ZMYM2: variants seen among roughly 807,000 people sequenced by gnomAD.
The protein encoded by ZMYM2 is zinc finger MYM-type protein 2.
Under a neutral mutation model 162.8 loss-of-function variants are expected in ZMYM2, and 56 were observed. The observed-to-expected ratio is 0.34, with a 90% CI of 0.28 to 0.43. The LOEUF (loss-of-function observed/expected upper bound fraction) is 0.43, where lower values mean the gene tolerates loss of function less well. Among genes scored for constraint, ZMYM2 ranks in the 20% least tolerant of loss-of-function variants. The pLI, the probability that ZMYM2 is intolerant of heterozygous loss-of-function variation, is 1.00. For synonymous variants in ZMYM2, 510 were observed against 541.6 expected (o/e 0.94, Z 0.81); for missense variants, 1,275 against 1,621.8 (o/e 0.79, Z 3.67).
chr13:19,925,643 C>T, the ZMYM2 span, among the ~76,000 whole-genome samples: 1 of 151,848 alleles, frequency 6.6e-6, no homozygotes, highest in Admixed American at 6.6e-5. Flanking sequence ...GAGGATGAGG[C>T]GGGTGGATCA....
At chr13:20,065,167 G>C (rs1363050722) in intron 19 of ZMYM2, among the ~76,000 whole-genome samples, 3 of 151,914 alleles carry the variant, frequency 2.0e-5, no homozygotes, top group African/African-American at 7.3e-5. Flanking sequence ...ACATAAAGCA[G>C]GTTTTAAAAA....
At chr13:20,083,068 T>A (rs1958011627) in intron 23 of ZMYM2, 36 bp downstream of exon 23, 3 of 1,501,884 alleles carry the variant, frequency 2.0e-6, no homozygotes, top group African/African-American at 1.4e-5. Flanking sequence ...TTTTTATTTT[T>A]AAATTTTTTT....
chr13:20,059,675 T>C (rs1956084744), intron 16 of ZMYM2, 113 bp downstream of exon 16: 1 of 619,274 alleles, frequency 1.6e-6, no homozygotes, highest in Non-Finnish European at 2.8e-6. Flanking sequence ...CATCCACATA[T>C]GTGGATGATT....
chr13:19,955,138 A>AATTATTATTATT (rs58375933), upstream of ZMYM2, among the ~76,000 whole-genome samples: 126 of 149,710 alleles, frequency 8.4e-4, 1 homozygote, highest in Middle Eastern at 0.014. Flanking sequence ...TAGTTACTGC[A>AATTATTATTATT]ATTATTATTA....
chr13:20,024,036 G>T (rs1357861931), intron 7 of ZMYM2, among the ~76,000 whole-genome samples: 2 of 151,780 alleles, frequency 1.3e-5, no homozygotes, highest in Non-Finnish European at 2.9e-5. Context: ...CCAGGTTCAA[G>T]TGATTCTTGT....
intron 2 of ZMYM2, among the ~76,000 whole-genome samples, chr13:19,982,281 CT>C (rs56165263): frequency 1.2e-3 from 104 of 86,258 alleles, no homozygotes; most frequent in African/African-American, 3.8e-3. Context: ...TATTAGCTGT[CT>C]TTTTTTTTTT....
At chr13:19,864,578 G>T in the ZMYM2 span, 1 of 153,472 alleles carries the variant, frequency 6.5e-6, no homozygotes, top group Non-Finnish European at 1.5e-5. Context: ...TCGCGGGTTG[G>T]AGGGGCTGAG....
intron 21 of ZMYM2, 69 bp downstream of exon 21, chr13:20,067,459 T>C (rs1956767576): frequency 1.4e-6 from 2 of 1,441,900 alleles, no homozygotes; most frequent in Non-Finnish European, 1.9e-6. Context: ...CTTGTTTCTG[T>C]AGCATTATGG....
chr13:19,885,934 CACAT>C, the ZMYM2 span, among the ~76,000 whole-genome samples: 1 of 82,306 alleles, frequency 1.2e-5, no homozygotes, highest in Non-Finnish European at 2.3e-5. Flanking sequence ...TATGTGTATA[CACAT>C]ATATATGTAT....
At chr13:19,919,519 C>T in the ZMYM2 span, among the ~76,000 whole-genome samples, 1 of 151,482 alleles carries the variant, frequency 6.6e-6, no homozygotes, top group Non-Finnish European at 1.5e-5. Context: ...GGTATTTTTA[C>T]CATTTTTTTT....
chr13:20,002,219 TTTA>T (rs1171159637), intron 3 of ZMYM2, among the ~76,000 whole-genome samples: 2 of 152,230 alleles, frequency 1.3e-5, no homozygotes, highest in East Asian at 1.9e-4. Context: ...TAGTTAGGAT[TTTA>T]TTATTATTTA....
At chr13:19,885,847 CAAAAAAAAA>C in the ZMYM2 span, among the ~76,000 whole-genome samples, 2 of 23,140 alleles carry the variant, frequency 8.6e-5, no homozygotes, top group African/African-American at 9.3e-5. Flanking sequence ...AACTCTGTCT[CAAAAAAAAA>C]AAAAAAATAT....
At chr13:20,061,803 G>A (rs548156133) in intron 17 of ZMYM2, among the ~76,000 whole-genome samples, 27 of 152,232 alleles carry the variant, frequency 1.8e-4, no homozygotes, top group Non-Finnish European at 1.3e-4. Context: ...TGGCCAGGCT[G>A]ATCTCAAACT....
intron 21 of ZMYM2, among the ~76,000 whole-genome samples, chr13:20,078,867 G>GTA (rs899617999): frequency 1.6e-4 from 25 of 151,994 alleles, no homozygotes; most frequent in Non-Finnish European, 2.6e-4. Context: ...AAAGTTAAAT[G>GTA]TATAACATGT....
At chr13:20,042,283 G>T (rs1397673902) in intron 12 of ZMYM2, among the ~76,000 whole-genome samples, 1 of 151,974 alleles carries the variant, frequency 6.6e-6, no homozygotes, top group Non-Finnish European at 1.5e-5. Context: ...CTGTATTCTT[G>T]TCTGTCTTAT....
the ZMYM2 span, among the ~76,000 whole-genome samples, chr13:19,947,582 G>T: frequency 4.7e-5 from 7 of 149,662 alleles, no homozygotes; most frequent in Non-Finnish European, 8.9e-5. Context: ...CCTCAGCCTC[G>T]CGGGTAGCTG....
At chr13:19,877,296 C>G in the ZMYM2 span, among the ~76,000 whole-genome samples, 2 of 152,058 alleles carry the variant, frequency 1.3e-5, no homozygotes, top group African/African-American at 4.8e-5. Flanking sequence ...CCTGCATCTG[C>G]TTCACTTCTG....
rs1175206131 is a variant in ZMYM2, at chr13:19,991,042, TTCTC to T, written c.-10-2017_-10-2014del. On this transcript the variant is annotated intron_variant, in intron 2 of 24. Coordinates refer to ENST00000610343, the MANE Select transcript of ZMYM2 (RefSeq NM_197968.4). ...GCTCAGTAACTTTGTCCTAGAAATT[TTCTC>T]TCTGTGTGTGTGTGTGTGTACGTAT... 7.9e-5 allele frequency among the ~76,000 whole-genome samples: 7 copies of T among 88,886 alleles called. No homozygotes were observed. In the South Asian group the frequency reaches 2.1e-3, roughly 26 times the overall value. The allele number at this position is 88,886 out of a possible 152,430, so 58.3% of individuals were successfully genotyped here.
At chr13:19,904,200 T>TC in the ZMYM2 span, among the ~76,000 whole-genome samples, 1 of 83,644 alleles carries the variant, frequency 1.2e-5, no homozygotes, top group South Asian at 5.7e-4. Context: ...CATTTTTTTT[T>TC]TAATCATCTT....
Sources: allele counts gnomAD v4.1 joint callset (sites outside exome capture counted in the v4.1 genomes callset), GRCh38; gene constraint gnomAD v4.1.1; transcripts MANE v1.5; gene names NCBI Gene and HGNC (gene_info 2026-07-23, HGNC 2026-07-21).